Variants in ATRNL1 observed in about 807,000 individuals in gnomAD.
ATRNL1 encodes the protein attractin-like protein 1.
A neutral mutation model predicts 182.7 loss-of-function variants in ATRNL1; 95 were observed. That is an observed-to-expected ratio of 0.52 (90% confidence interval 0.44 to 0.62). The LOEUF is 0.62. Among genes scored for constraint, ATRNL1 ranks in the 20% least tolerant of loss-of-function variants. The probability of loss-of-function intolerance (pLI) is 0.00; values close to 1 mark genes in which losing one functional copy is unlikely to be tolerated. For synonymous variants in ATRNL1, 576 were observed against 568.3 expected (o/e 1.01, Z -0.19); for missense variants, 1,471 against 1,679.5 (o/e 0.88, Z 2.17).
chr10:115,597,756 C>A (rs1856345128), intron 26 of ATRNL1: 1 of 418,200 alleles, frequency 2.4e-6, no homozygotes, highest in Admixed American at 2.8e-5. Flanking sequence ...CCATGTTGGC[C>A]AGACTGGACC....
chr10:115,838,264 G>A (rs77705247), intron 27 of ATRNL1, among the ~76,000 whole-genome samples: 2,474 of 152,226 alleles, frequency 0.016, 82 homozygotes, highest in African/African-American at 0.057. Flanking sequence ...AGGCTACTCC[G>A]TCTACAAACT....
intron 9 of ATRNL1, among the ~76,000 whole-genome samples, chr10:115,237,844 T>C (rs1388157784): frequency 6.6e-6 from 1 of 152,194 alleles, no homozygotes; most frequent in Non-Finnish European, 1.5e-5. Flanking sequence ...TCTGGGAGTT[T>C]TATATTAAAT....
intron 21 of ATRNL1, among the ~76,000 whole-genome samples, chr10:115,460,068 T>C (rs1453583633): frequency 6.6e-6 from 1 of 152,142 alleles, no homozygotes; most frequent in African/African-American, 2.4e-5. Flanking sequence ...GGGTTTCTTT[T>C]TCTCTCCTGA....
At chr10:115,665,980 C>T (rs184949480) in intron 26 of ATRNL1, among the ~76,000 whole-genome samples, 1 of 152,112 alleles carries the variant, frequency 6.6e-6, no homozygotes, top group Admixed American at 6.6e-5. Flanking sequence ...TGTTTCTTTG[C>T]TTAGGTTTCA....
At position 115,575,718 on chromosome 10, in the gene ATRNL1, A is replaced by T. The variant is rs570215528; in HGVS notation, c.3795+26182A>T. On this transcript the variant is annotated intron_variant, in intron 26 of 28. Coordinates refer to ENST00000355044, the MANE Select transcript of ATRNL1 (RefSeq NM_207303.4). ...TGATATACATATACATAGTGAAATG[A>T]TTATTATAAGTAAGCTCTTACCTTT... Among the ~76,000 whole-genome samples, 3 of 152,158 alleles carry T rather than the reference A, an allele frequency of 2.0e-5. No individual in the cohort carries two copies. In the South Asian group the frequency reaches 6.2e-4, roughly 32 times the overall value.
intron 26 of ATRNL1, among the ~76,000 whole-genome samples, chr10:115,587,327 C>A (rs1855587999): frequency 6.6e-6 from 1 of 152,142 alleles, no homozygotes; most frequent in Non-Finnish European, 1.5e-5. Flanking sequence ...CCTGACCAAG[C>A]CTTGGCAATG....
chr10:115,899,675 A>T (rs533569599), intron 28 of ATRNL1, among the ~76,000 whole-genome samples: 281 of 152,272 alleles, frequency 1.8e-3, no homozygotes, highest in Non-Finnish European at 3.2e-3. Context: ...ATGTATTTTT[A>T]AAAAAGCCTG....
intron 9 of ATRNL1, among the ~76,000 whole-genome samples, chr10:115,216,393 A>G (rs1849234167): frequency 6.6e-6 from 1 of 152,096 alleles, no homozygotes; most frequent in African/African-American, 2.4e-5. Flanking sequence ...TGTGTCCCTG[A>G]TCCTTCATGT....
chr10:115,354,507 A>G (rs1171064684), intron 19 of ATRNL1, among the ~76,000 whole-genome samples: 3 of 152,028 alleles, frequency 2.0e-5, no homozygotes, highest in African/African-American at 4.8e-5. Flanking sequence ...TTAATATGCT[A>G]TCTTGCTCAT....
At chr10:115,313,847 GC>G (rs1410962814) in intron 17 of ATRNL1, among the ~76,000 whole-genome samples, 19 of 152,082 alleles carry the variant, frequency 1.2e-4, no homozygotes, top group Non-Finnish European at 2.1e-4. Flanking sequence ...TAATTGGAAT[GC>G]CAAGCCAATA....
At chr10:115,435,167 C>G (rs938014596) in intron 21 of ATRNL1, among the ~76,000 whole-genome samples, 5 of 151,960 alleles carry the variant, frequency 3.3e-5, no homozygotes, top group Non-Finnish European at 5.9e-5. Flanking sequence ...AGGCACCCAC[C>G]ACCATGCCTG....
chr10:115,482,743 G>A (rs1848828775), intron 24 of ATRNL1, among the ~76,000 whole-genome samples: 1 of 151,132 alleles, frequency 6.6e-6, no homozygotes, highest in Admixed American at 6.6e-5. Flanking sequence ...AGGAAGCTCA[G>A]AGAATTGTAA....
At position 115,265,202 on chromosome 10, in the gene ATRNL1, A is replaced by T. The variant is rs138033585; in HGVS notation, c.1697A>T (p.Glu566Val). The change falls in exon 11 of 29, where the codon GAA (glutamate) becomes GTA (valine). Residue 566 changes from glutamate (E) to valine (V), a missense_variant. Coordinates refer to ENST00000355044, the MANE Select transcript of ATRNL1 (RefSeq NM_207303.4). ...GTTTTCTTTTTTCTAGCTTGTGATGAATGGAAAATACTACCAAAACCAAAT... is the reference window on the plus strand; with the variant it reads ...GTTTTCTTTTTTCTAGCTTGTGATGTATGGAAAATACTACCAAAACCAAAT... ...DFLAYDIACD[E>V]WKILPKPNLH... 2.2e-5 allele frequency: 36 copies of T among 1,602,080 alleles called. 2 individuals carry two copies. The Admixed American group carries it at 4.4e-4, about 19-fold the overall frequency.
intron 19 of ATRNL1, among the ~76,000 whole-genome samples, chr10:115,387,740 A>G (rs546500784): frequency 4.3e-4 from 66 of 152,238 alleles, no homozygotes; most frequent in African/African-American, 1.5e-3. Flanking sequence ...TTTAAGATTC[A>G]TCTATGTAGC....
chr10:115,232,635 C>T (rs1015280507), intron 9 of ATRNL1, among the ~76,000 whole-genome samples: 8 of 151,902 alleles, frequency 5.3e-5, no homozygotes, highest in African/African-American at 1.7e-4. Context: ...TTAGTGTTTT[C>T]AATATTGCCT....
At chr10:115,495,588 T>C (rs1849504840) in intron 24 of ATRNL1, among the ~76,000 whole-genome samples, 1 of 152,188 alleles carries the variant, frequency 6.6e-6, no homozygotes, top group African/African-American at 2.4e-5. Flanking sequence ...CCGAAGTCAT[T>C]CAGGAGTAGG....
chr10:115,765,369 T>C (rs1254771637), intron 27 of ATRNL1, among the ~76,000 whole-genome samples: 1 of 152,220 alleles, frequency 6.6e-6, no homozygotes, highest in African/African-American at 2.4e-5. Context: ...GTTTAAGAGA[T>C]GTGAAATAGT....
intron 17 of ATRNL1, among the ~76,000 whole-genome samples, chr10:115,304,147 C>A (rs1407525125): frequency 6.6e-6 from 1 of 152,144 alleles, no homozygotes; most frequent in Non-Finnish European, 1.5e-5. Flanking sequence ...GGAGTGTAGG[C>A]CATAACACAG....
rs1198714613 is a variant in ATRNL1, at chr10:115,363,999, C to T, written c.3175+29580C>T. Among the ~76,000 whole-genome samples, 1,006 of 152,096 alleles carry T rather than the reference C, an allele frequency of 6.6e-3. 9 individuals are homozygous for T. Among genetic ancestry groups the T allele is most frequent in the African/African-American group, 0.023 (961 of 41,444 alleles). On this transcript the variant is annotated intron_variant, in intron 19 of 28. Transcript: ENST00000355044. Reference sequence around the variant, plus strand: ...TTGGCTTAGGATTGACTTGGTGATGCGGGCTCTTTTTTGATTCCATATGAA... The same window carrying T: ...TTGGCTTAGGATTGACTTGGTGATGTGGGCTCTTTTTTGATTCCATATGAA...
Sources: gnomAD v4.1 joint callset for allele counts (sites outside exome capture counted in the v4.1 genomes callset) on GRCh38, gnomAD v4.1.1 for gene constraint, MANE v1.5 for transcripts, NCBI Gene and HGNC (gene_info 2026-07-23, HGNC 2026-07-21) for gene names.